The following CSMD1 variants were observed in gnomAD, a reference collection of about 807,000 sequenced individuals.
CSMD1 encodes the protein CUB and Sushi multiple domains 1.
Under a neutral mutation model 417.5 loss-of-function variants are expected in CSMD1, and 213 were observed. The observed-to-expected ratio is 0.51, with a 90% CI of 0.46 to 0.57. The LOEUF (loss-of-function observed/expected upper bound fraction) is 0.57. Among genes scored for constraint, CSMD1 ranks in the 20% least tolerant of loss-of-function variants. The pLI is 0.00. For missense variants in CSMD1, 6,923 were observed against 4,529.7 expected, an observed-to-expected ratio of 1.53 and a Z score of -15.17; for synonymous variants, 2,862 against 1,736.8, an observed-to-expected ratio of 1.65 and a Z score of -16.11.
At chr8:4,300,028 G>C (rs1363940626) in intron 3 of CSMD1, among the ~76,000 whole-genome samples, 7 of 152,142 alleles carry the variant, frequency 4.6e-5, no homozygotes. Flanking sequence ...TGTATAAAGA[G>C]GCCACAAAGA....
At chr8:4,977,914 G>C (rs1008943438) in intron 1 of CSMD1, among the ~76,000 whole-genome samples, 1 of 152,154 alleles carries the variant, frequency 6.6e-6, no homozygotes, top group East Asian at 1.9e-4. Context: ...ACATTCGAAG[G>C]TGTCCAATAC....
chr8:4,658,347 G>A (rs576952092), intron 1 of CSMD1, among the ~76,000 whole-genome samples: 1 of 152,058 alleles, frequency 6.6e-6, no homozygotes, highest in African/African-American at 2.4e-5. Flanking sequence ...TTTTAAAGAT[G>A]GCAAGACAGA....
At chr8:3,676,544 G>T (rs567171914) in intron 7 of CSMD1, among the ~76,000 whole-genome samples, 3 of 152,068 alleles carry the variant, frequency 2.0e-5, no homozygotes, top group Admixed American at 2.0e-4. Context: ...ATATCCGAAT[G>T]GTACACATGT....
At chr8:3,818,584 G>A (rs754569852) in intron 5 of CSMD1, among the ~76,000 whole-genome samples, 2 of 152,046 alleles carry the variant, frequency 1.3e-5, no homozygotes, top group Non-Finnish European at 2.9e-5. Flanking sequence ...GGAGGTGCAA[G>A]AATGAGAAGT....
At chr8:3,322,576 G>C (rs1009316156) in intron 23 of CSMD1, among the ~76,000 whole-genome samples, 1 of 152,126 alleles carries the variant, frequency 6.6e-6, no homozygotes, top group Non-Finnish European at 1.5e-5. Context: ...TCCCTCAGTT[G>C]GTTTCATTGG....
At chr8:4,623,903 G>C (rs776290481) in intron 2 of CSMD1, among the ~76,000 whole-genome samples, 1 of 152,042 alleles carries the variant, frequency 6.6e-6, no homozygotes, top group Non-Finnish European at 1.5e-5. Context: ...AGAAATATTC[G>C]TTAGCTTGAT....
At chr8:4,713,370 T>G (rs1808432327) in intron 1 of CSMD1, among the ~76,000 whole-genome samples, 2 of 141,672 alleles carry the variant, frequency 1.4e-5, no homozygotes, top group African/African-American at 2.7e-5. Context: ...TAGTCAGCTT[T>G]GTGTTTTTGT....
intron 49 of CSMD1, among the ~76,000 whole-genome samples, chr8:3,075,215 T>C (rs988348182): frequency 1.3e-5 from 2 of 151,970 alleles, no homozygotes; most frequent in Admixed American, 6.6e-5. Context: ...GTGAGCTAAT[T>C]AAACCTCTTT....
At chr8:3,294,315 C>G (rs1803800991) in intron 25 of CSMD1, among the ~76,000 whole-genome samples, 1 of 152,158 alleles carries the variant, frequency 6.6e-6, no homozygotes, top group African/African-American at 2.4e-5. Context: ...AGATCTCAAG[C>G]TGTGTGCTGG....
At chr8:4,878,535 T>C (rs1803193247) in intron 1 of CSMD1, among the ~76,000 whole-genome samples, 1 of 151,946 alleles carries the variant, frequency 6.6e-6, no homozygotes, top group African/African-American at 2.4e-5. Context: ...AGAATGATTA[T>C]TTCTTGTACA....
chr8:4,881,742 T>C (rs1467485391), intron 1 of CSMD1, among the ~76,000 whole-genome samples: 2 of 152,112 alleles, frequency 1.3e-5, no homozygotes, highest in Non-Finnish European at 2.9e-5. Context: ...GTGGTCTTTT[T>C]CTTTAGAGAC....
intron 3 of CSMD1, among the ~76,000 whole-genome samples, chr8:4,149,124 C>A (rs1796436584): frequency 6.6e-6 from 1 of 152,028 alleles, no homozygotes; most frequent in Admixed American, 6.6e-5. Flanking sequence ...CCACCACACC[C>A]AGCTAATTTT....
intron 1 of CSMD1, among the ~76,000 whole-genome samples, chr8:4,834,253 G>A (rs575304027): frequency 6.6e-6 from 1 of 152,256 alleles, no homozygotes; most frequent in South Asian, 2.1e-4. Context: ...ATGTTTAGAA[G>A]GTAGGACATC....
intron 37 of CSMD1, among the ~76,000 whole-genome samples, chr8:3,175,513 TTTCCTTCCTTCC>T (rs547666803): frequency 1.1e-4 from 6 of 53,774 alleles, no homozygotes. Flanking sequence ...GCCTGCCTTT[TTTCCTTCCTTCC>T]TTCCTTCCTT....
At chr8:3,745,917 T>A (rs1797044999) in intron 6 of CSMD1, among the ~76,000 whole-genome samples, 1 of 152,136 alleles carries the variant, frequency 6.6e-6, no homozygotes, top group Non-Finnish European at 1.5e-5. Context: ...GCCAACCTGG[T>A]CACAGCAGCA....
At chr8:4,530,932 G>T (rs1221721214) in intron 2 of CSMD1, among the ~76,000 whole-genome samples, 1 of 151,882 alleles carries the variant, frequency 6.6e-6, no homozygotes, top group Non-Finnish European at 1.5e-5. Flanking sequence ...AGTAATGCAT[G>T]CACACAAAAA....
At chr8:3,829,028 A>G (rs4993884) in intron 5 of CSMD1, among the ~76,000 whole-genome samples, 1 of 96,386 alleles carries the variant, frequency 1.0e-5, no homozygotes, top group Non-Finnish European at 2.2e-5. Flanking sequence ...CTTTTTTTTT[A>G]AAAAAATGTA....
intron 26 of CSMD1, among the ~76,000 whole-genome samples, chr8:3,238,015 C>A (rs1004105950): frequency 6.6e-6 from 1 of 151,392 alleles, no homozygotes; most frequent in Non-Finnish European, 1.5e-5. Context: ...TGTGAAGAGA[C>A]CACCAAACAG....
intron 41 of CSMD1, among the ~76,000 whole-genome samples, chr8:3,126,314 T>C (rs967610497): frequency 6.6e-6 from 1 of 152,178 alleles, no homozygotes. Flanking sequence ...ATAAAATATT[T>C]CTCATTAATC....
Sources: gnomAD v4.1 joint callset for allele counts (sites outside exome capture counted in the v4.1 genomes callset) on GRCh38, gnomAD v4.1.1 for gene constraint, MANE v1.5 for transcripts, NCBI Gene and HGNC (gene_info 2026-07-23, HGNC 2026-07-21) for gene names.